SMC1A: variants seen among roughly 807,000 people sequenced by gnomAD.
SMC1A encodes structural maintenance of chromosomes 1A, also known as structural maintenance of chromosomes protein 1A.
Under a neutral mutation model 94.5 loss-of-function variants are expected in SMC1A, and 4 were observed. That is an observed-to-expected ratio of 0.04 (90% CI 0.02 to 0.10). The LOEUF (loss-of-function observed/expected upper bound fraction) is 0.10, where lower values mean the gene tolerates loss of function less well. Ranked by LOEUF, SMC1A falls within the 10% of genes least tolerant of loss-of-function variation. SMC1A has a pLI of 1.00. For synonymous variants in SMC1A, 345 were observed against 347.7 expected, an observed-to-expected ratio of 0.99 and a Z score of 0.09; for missense variants, 304 against 989.0, an observed-to-expected ratio of 0.31 and a Z score of 9.29.
chrX:53,414,081 A>C (rs1479028988), intron 3 of SMC1A, among the ~76,000 whole-genome samples: 1 of 109,960 alleles, frequency 9.1e-6, no homozygotes, highest in East Asian at 2.8e-4. Flanking sequence ...GTCTCAAAAA[A>C]AAAAAAAAAA....
Position 53,376,653 on chromosome X carries a change from T to A in SMC1A, c.*3450A>T, listed in dbSNP as rs1307171342. The A allele has an allele frequency of 9.0e-6, 1 of 111,606 alleles. No individual in the cohort carries two copies. The highest frequency in any genetic ancestry group is 1.9e-5 in the Non-Finnish European group (1 of 53,141). 9.2% of individuals were successfully genotyped at this position (111,606 alleles called of 1,213,427 possible). The stretch of plus-strand genomic sequence containing the variant: ...TCCAATATCTGGAAATTCCTTCTAC[T>A]TCCTCAACTGGCTAATTCCTACCCG... On this transcript the variant is annotated 3_prime_UTR_variant, in exon 25 of 25. Transcript: ENST00000322213.
At chrX:53,397,035 T>G (rs2075653778) in intron 16 of SMC1A, among the ~76,000 whole-genome samples, 1 of 110,522 alleles carries the variant, frequency 9.0e-6, no homozygotes, top group African/African-American at 3.3e-5. Flanking sequence ...AACTTTGTCA[T>G]GTGCAGTATG....
At chrX:53,383,386 G>A (rs2075592677) in intron 19 of SMC1A, 133 bp from the exon 20 acceptor site, 4 of 576,000 alleles carry the variant, frequency 6.9e-6, no homozygotes, top group Admixed American at 3.0e-5. Flanking sequence ...TCTCCAGCTC[G>A]GTTCCTTCCA....
intron 19 of SMC1A, among the ~76,000 whole-genome samples, chrX:53,389,024 A>G (rs1221088398): frequency 1.9e-5 from 2 of 106,404 alleles, no homozygotes; most frequent in African/African-American, 6.8e-5. Flanking sequence ...AAAAAATTAC[A>G]TATGTGGATC....
chrX:53,409,298 T>G (rs1556890174), intron 8 of SMC1A, 29 bp from the exon 9 acceptor site: 1 of 1,193,013 alleles, frequency 8.4e-7, no homozygotes. Context: ...CAGGAGTTAC[T>G]CCTGCTGGTG....
Position 53,412,804 on chromosome X carries a change from T to G in SMC1A, c.854+96A>C, listed in dbSNP as rs781877391. 2.7e-4 allele frequency: 319 copies of G among 1,160,032 alleles called. 1 individual carries two copies. Among genetic ancestry groups the G allele is most frequent in the Non-Finnish European group, 3.4e-4 (295 of 855,310 alleles). ...GCAAGTTAGGAGAATAACAGAGAAA[T>G]GAGTATAGGTACTGAACTCCGGGCT... On this transcript the variant is annotated intron_variant, in intron 5 of 24. Transcript: ENST00000322213.
intron 16 of SMC1A, among the ~76,000 whole-genome samples, chrX:53,398,809 T>TA (rs1375071876): frequency 8.9e-5 from 10 of 111,805 alleles, no homozygotes; most frequent in African/African-American, 3.3e-4. Context: ...GAACTATAAA[T>TA]AATGCTTGTT....
rs28373123 is a variant in SMC1A, at chrX:53,411,709, T to C, written c.1254+52A>G. 3.9e-5 allele frequency: 46 copies of C among 1,172,886 alleles called. No homozygotes were observed. The East Asian group carries it at 1.3e-3, about 33-fold the overall frequency. ...TTTTGGATTTGGGATGCTCAACCTA[T>C]ATATATCCTTTTCTGTGGACCATCA... is the stretch of plus-strand genomic sequence containing the variant. On this transcript the variant is annotated intron_variant, in intron 7 of 24. Coordinates refer to ENST00000322213, the MANE Select transcript of SMC1A (RefSeq NM_006306.4).
intron 15 of SMC1A, among the ~76,000 whole-genome samples, chrX:53,402,817 C>T (rs1448883083): frequency 1.1e-5 from 1 of 89,491 alleles, no homozygotes; most frequent in Non-Finnish European, 2.1e-5. Context: ...TGCAGTGAGC[C>T]GAGATCATGC....
intron 1 of SMC1A, among the ~76,000 whole-genome samples, chrX:53,420,873 C>T (rs782540402): frequency 1.8e-5 from 2 of 111,809 alleles, no homozygotes; most frequent in Non-Finnish European, 3.8e-5. Context: ...ACTCACAGGC[C>T]AATGAAGATA....
At chrX:53,402,903 C>T (rs1408849562) in intron 15 of SMC1A, among the ~76,000 whole-genome samples, 2 of 63,921 alleles carry the variant, frequency 3.1e-5, no homozygotes, top group Non-Finnish European at 5.5e-5. Flanking sequence ...CAATATGGCT[C>T]ACACCTATAA....
chrX:53,376,591 T>C lies in SMC1A; in HGVS notation c.*3512A>G, dbSNP rs1556885279. Reference sequence around the variant, plus strand: ...AATCTTCATGCTTCAGTATTTGTTTTGCTGTTTCTTGCCTTCATGTCTTCA... The same window carrying C: ...AATCTTCATGCTTCAGTATTTGTTTCGCTGTTTCTTGCCTTCATGTCTTCA... On this transcript the variant is annotated 3_prime_UTR_variant, in exon 25 of 25. Transcript: ENST00000322213. 1 of 111,818 alleles carries C rather than the reference T, an allele frequency of 8.9e-6. No individual in the cohort carries two copies. The highest frequency in any genetic ancestry group is 3.3e-5 in the African/African-American group (1 of 30,744). 9.2% of individuals were successfully genotyped at this position (111,818 alleles called of 1,213,427 possible).
At chrX:53,382,095 T>G (rs1328236476) in intron 22 of SMC1A, 137 bp downstream of exon 22, 2 of 750,664 alleles carry the variant, frequency 2.7e-6, no homozygotes, top group East Asian at 6.5e-5. Context: ...TATGCTGCAG[T>G]AGATAGTGAA....
In SMC1A at chrX:53,378,313, G is replaced by A; in HGVS notation, c.*1790C>T. 1 of 112,275 alleles carries A rather than the reference G, an allele frequency of 8.9e-6. No homozygotes were observed. The highest frequency in any genetic ancestry group is 1.9e-5 in the Non-Finnish European group (1 of 53,291). 9.3% of individuals were successfully genotyped at this position (112,275 alleles called of 1,213,427 possible). ...AGCAAAACCTAAAAACAGTCTTAAT[G>A]TCCATCACAAAAGAAATGCGTAAGT... On this transcript the variant is annotated 3_prime_UTR_variant, in exon 25 of 25. Transcript: ENST00000322213.
intron 9 of SMC1A, among the ~76,000 whole-genome samples, chrX:53,406,724 G>A (rs1203465892): frequency 9.0e-6 from 1 of 111,597 alleles, no homozygotes; most frequent in Non-Finnish European, 1.9e-5. Context: ...TGGAGACGGA[G>A]TCTCACTCTG....
At position 53,388,813 on chromosome X, in the gene SMC1A, C is replaced by T. The variant is rs960459100; in HGVS notation, c.2974-5560G>A. Among the ~76,000 whole-genome samples, 176 of 107,536 alleles carry T rather than the reference C, an allele frequency of 1.6e-3. 1 individual carries two copies. Among genetic ancestry groups the T allele is most frequent in the Non-Finnish European group, 4.2e-4 (22 of 52,095 alleles). The allele number at this position is 107,536 out of a possible 115,157, so 93.4% of individuals were successfully genotyped here. ...GATATCGAGACCATCCTGGCTAACACGGTGAAACCCCGTCTACTAAAAATA... is the reference window on the plus strand; with the variant it reads ...GATATCGAGACCATCCTGGCTAACATGGTGAAACCCCGTCTACTAAAAATA... On this transcript the variant is annotated intron_variant, in intron 19 of 24. Transcript: ENST00000322213.
chrX:53,380,197 A>C lies in SMC1A; in HGVS notation c.3619-11T>G. On this transcript the variant is annotated splice_polypyrimidine_tract_variant and intron_variant, in intron 24 of 24. Coordinates refer to ENST00000322213, the MANE Select transcript of SMC1A (RefSeq NM_006306.4). ...CACACAGTCCCCTTGCTGAAGGAGGAGGGAGAAAAAGAAAAATAAAATTGT... is the reference window on the plus strand; with the variant it reads ...CACACAGTCCCCTTGCTGAAGGAGGCGGGAGAAAAAGAAAAATAAAATTGT... The C allele has an allele frequency of 8.7e-7, 1 of 1,155,077 alleles. No individual in the cohort carries two copies. The highest frequency in any genetic ancestry group is 1.8e-5 in the African/African-American group (1 of 56,370).
At chrX:53,401,335 C>T (rs1400955735) in intron 15 of SMC1A, among the ~76,000 whole-genome samples, 1 of 112,176 alleles carries the variant, frequency 8.9e-6, no homozygotes, top group African/African-American at 3.2e-5. Flanking sequence ...TTTCCATTCC[C>T]ATTACCTTCC....
intron 7 of SMC1A, among the ~76,000 whole-genome samples, chrX:53,410,206 T>G (rs1481412326): frequency 9.0e-6 from 1 of 111,647 alleles, no homozygotes; most frequent in Non-Finnish European, 1.9e-5. Flanking sequence ...TTAATAGTTA[T>G]GTGAGTGGCC....
Sources: gnomAD v4.1 joint callset for allele counts (sites outside exome capture counted in the v4.1 genomes callset) on GRCh38, gnomAD v4.1.1 for gene constraint, MANE v1.5 for transcripts, NCBI Gene and HGNC (gene_info 2026-07-23, HGNC 2026-07-21) for gene names.